The following TBC1D8B variants were observed in gnomAD, a reference collection of about 807,000 sequenced individuals.
The protein encoded by TBC1D8B is TBC1 domain family member 8B.
In TBC1D8B, 75 loss-of-function variants were observed where a neutral mutation model predicts 82.9. That is an observed-to-expected ratio of 0.90 (90% CI 0.75 to 1.10). TBC1D8B has a LOEUF of 1.10. Ranked by LOEUF, TBC1D8B falls within the 50% of genes least tolerant of loss-of-function variation. The pLI is 0.00. For synonymous variants in TBC1D8B, 276 were observed against 276.8 expected, an observed-to-expected ratio of 1.00 and a Z score of 0.03; for missense variants, 794 against 796.9, an observed-to-expected ratio of 1.00 and a Z score of 0.04.
chrX:106,848,523 A>G (rs1001623050), intron 11 of TBC1D8B, among the ~76,000 whole-genome samples: 14 of 112,062 alleles, frequency 1.2e-4, no homozygotes, highest in African/African-American at 3.9e-4. Context: ...AGATTGTTTA[A>G]TATGTTGCTT....
chrX:106,869,568 AATTT>A (rs1194965265), intron 19 of TBC1D8B, 27 bp downstream of exon 19: 9 of 1,137,669 alleles, frequency 7.9e-6, no homozygotes. Flanking sequence ...GTTATCATTT[AATTT>A]ATTTAGTTAT....
intron 14 of TBC1D8B, among the ~76,000 whole-genome samples, chrX:106,860,115 G>C (rs994523250): frequency 3.6e-5 from 4 of 111,356 alleles, no homozygotes; most frequent in Non-Finnish European, 7.5e-5. Context: ...GAGGATTTTT[G>C]CATCTGTTCT....
At chrX:106,807,642 C>A (rs761266941) in intron 1 of TBC1D8B, among the ~76,000 whole-genome samples, 1 of 111,140 alleles carries the variant, frequency 9.0e-6, no homozygotes, top group South Asian at 3.8e-4. Flanking sequence ...TCAAAGAGAT[C>A]TTTAAAGGTA....
chrX:106,844,494 A>C (rs1389510790), intron 10 of TBC1D8B, among the ~76,000 whole-genome samples: 1 of 100,732 alleles, frequency 9.9e-6, no homozygotes, highest in South Asian at 4.0e-4. Flanking sequence ...TATATATATA[A>C]ACATATATAT....
intron 14 of TBC1D8B, among the ~76,000 whole-genome samples, chrX:106,856,955 G>A (rs751072551): frequency 1.1e-3 from 120 of 110,100 alleles, no homozygotes; most frequent in Middle Eastern, 4.7e-3. Flanking sequence ...CTAAGTGGTC[G>A]CATTATTGAC....
intron 14 of TBC1D8B, among the ~76,000 whole-genome samples, chrX:106,858,374 G>A (rs926466131): frequency 4.2e-4 from 47 of 111,807 alleles, no homozygotes; most frequent in East Asian, 8.4e-4. Flanking sequence ...CCAGGTTCAC[G>A]CCATTCTCCT....
intron 1 of TBC1D8B, among the ~76,000 whole-genome samples, chrX:106,807,227 AACAC>A (rs1177815193): frequency 9.4e-6 from 1 of 106,108 alleles, no homozygotes; most frequent in African/African-American, 3.4e-5. Context: ...CACACACACA[AACAC>A]ACACACACAA....
intron 3 of TBC1D8B, 84 bp downstream of exon 3, chrX:106,821,079 C>G: frequency 2.0e-6 from 1 of 491,652 alleles, no homozygotes; most frequent in Non-Finnish European, 3.4e-6. Context: ...CATGGAAGGT[C>G]ATTGTTTCAC....
At position 106,827,351 on chromosome X, in the gene TBC1D8B, C is replaced by T. The variant is rs1307721710; in HGVS notation, c.1203+14C>T. 1 of 1,206,738 alleles carries T rather than the reference C, an allele frequency of 8.3e-7. No homozygotes were observed. Among genetic ancestry groups the T allele is most frequent in the Admixed American group, 2.2e-5 (1 of 45,800 alleles). On this transcript the variant is annotated intron_variant, in intron 7 of 20. Coordinates refer to ENST00000357242, the MANE Select transcript of TBC1D8B (RefSeq NM_017752.3). ...ATTAGCACAGAGGTAATTAATTATACAGCAATCAAATCATTTGGAAAAAAA... is the reference window on the plus strand; with the variant it reads ...ATTAGCACAGAGGTAATTAATTATATAGCAATCAAATCATTTGGAAAAAAA...
chrX:106,843,465 G>A (rs761722154), intron 10 of TBC1D8B, among the ~76,000 whole-genome samples: 2 of 111,625 alleles, frequency 1.8e-5, no homozygotes, highest in South Asian at 7.4e-4. Context: ...TCCGGTGAGC[G>A]TGAAGTGGTG....
chrX:106,853,846 T>A (rs1195514533), intron 13 of TBC1D8B, among the ~76,000 whole-genome samples, 196 bp downstream of exon 13: 1 of 112,042 alleles, frequency 8.9e-6, no homozygotes, highest in Non-Finnish European at 1.9e-5. Context: ...TTGTTTTTCA[T>A]TAAATGAAAT....
chrX:106,859,766 C>T (rs1932757025), intron 14 of TBC1D8B, among the ~76,000 whole-genome samples: 1 of 111,524 alleles, frequency 9.0e-6, no homozygotes, highest in African/African-American at 3.3e-5. Flanking sequence ...GCATCCTTGT[C>T]TTCTGGTTCT....
intron 3 of TBC1D8B, among the ~76,000 whole-genome samples, 167 bp downstream of exon 3, chrX:106,821,162 C>A (rs1435882328): frequency 9.0e-6 from 1 of 111,029 alleles, no homozygotes; most frequent in Non-Finnish European, 1.9e-5. Context: ...ACTGTAAAGT[C>A]TTTAGCACAG....
At chrX:106,811,022 A>G (rs753224460) in intron 1 of TBC1D8B, among the ~76,000 whole-genome samples, 1 of 112,421 alleles carries the variant, frequency 8.9e-6, no homozygotes, top group East Asian at 2.8e-4. Flanking sequence ...AGAAAAAGAA[A>G]AAACAAGACT....
At chrX:106,840,399 A>G (rs747558198) in intron 9 of TBC1D8B, among the ~76,000 whole-genome samples, 15 of 111,558 alleles carry the variant, frequency 1.3e-4, no homozygotes, top group African/African-American at 4.2e-4. Flanking sequence ...ATCTGAGCAC[A>G]TTAGTTTATT....
At chrX:106,836,764 ACT>A (rs1201310066) in intron 7 of TBC1D8B, among the ~76,000 whole-genome samples, 9 of 111,353 alleles carry the variant, frequency 8.1e-5, no homozygotes, top group African/African-American at 2.3e-4. Context: ...AAGTTGGAAG[ACT>A]CATGCTTTCC....
At chrX:106,808,469 A>C (rs758829140) in intron 1 of TBC1D8B, among the ~76,000 whole-genome samples, 1 of 112,132 alleles carries the variant, frequency 8.9e-6, no homozygotes, top group Non-Finnish European at 1.9e-5. Flanking sequence ...TGTATATAGA[A>C]ATTGATTTGG....
At chrX:106,809,272 C>T (rs182516600) in intron 1 of TBC1D8B, among the ~76,000 whole-genome samples, 22 of 111,048 alleles carry the variant, frequency 2.0e-4, no homozygotes, top group African/African-American at 7.2e-4. Context: ...GGGCTAATAC[C>T]GTAGTTGGGG....
intron 7 of TBC1D8B, among the ~76,000 whole-genome samples, chrX:106,831,515 T>A (rs989922888): frequency 9.0e-6 from 1 of 111,484 alleles, no homozygotes; most frequent in Non-Finnish European, 1.9e-5. Flanking sequence ...GCTCCCAAAT[T>A]CTTACTTATA....
Sources: gnomAD v4.1 joint callset for allele counts (sites outside exome capture counted in the v4.1 genomes callset) on GRCh38, gnomAD v4.1.1 for gene constraint, MANE v1.5 for transcripts, NCBI Gene and HGNC (gene_info 2026-07-23, HGNC 2026-07-21) for gene names.